TMEM272: variants seen among roughly 807,000 people sequenced by gnomAD.
TMEM272 encodes transmembrane protein 272, also known as long intergenic non-protein coding RNA 282.
TMEM272 carries 8 observed loss-of-function variants against 3.7 expected under a neutral mutation model. The observed-to-expected ratio is 2.17, with a 90% CI of 1.27 to 3.91. TMEM272 has a LOEUF of 3.91. Ranked by LOEUF, TMEM272 falls within the 30% of genes most tolerant of loss-of-function variation. The pLI, the probability that TMEM272 is intolerant of heterozygous loss-of-function variation, is 0.00. For missense variants in TMEM272, 166 were observed against 91.5 expected (o/e 1.81, Z -3.32); for synonymous variants, 63 against 39.8 (o/e 1.58, Z -2.20).
Position 51,814,761 on chromosome 13 carries a change from ACTCTGGTG to A in TMEM272, c.*1982_*1989del, listed in dbSNP as rs1201265170. On this transcript the variant is annotated 3_prime_UTR_variant, in exon 5 of 5. Coordinates refer to ENST00000629372, the MANE Select transcript of TMEM272 (RefSeq NM_001351003.2). The stretch of plus-strand genomic sequence containing the variant: ...TCCCTCTGGGAAAGATTTCTGCAAC[ACTCTGGTG>A]ATACTCATGCCTACCAGAAACTGGG... 6.6e-6 allele frequency: 1 copy of A among 152,144 alleles called. No homozygotes were observed. Among genetic ancestry groups the A allele is most frequent in the African/African-American group, 2.4e-5 (1 of 41,418 alleles). The allele number at this position is 152,144 out of a possible 1,614,324, so 9.4% of individuals were successfully genotyped here.
intron 1 of TMEM272, among the ~76,000 whole-genome samples, chr13:51,839,859 T>G (rs570338957): frequency 1.8e-3 from 270 of 152,270 alleles, no homozygotes; most frequent in African/African-American, 5.9e-3. Flanking sequence ...AGCACGGTGG[T>G]TGGGCTGAGA....
At chr13:51,931,279 A>T in the TMEM272 span, among the ~76,000 whole-genome samples, 1 of 148,498 alleles carries the variant, frequency 6.7e-6, no homozygotes, top group African/African-American at 2.5e-5. Context: ...ATGTAGCCAT[A>T]AAAAAGGATG....
At chr13:51,843,279 T>C (rs1401526134) in intron 1 of TMEM272, among the ~76,000 whole-genome samples, 2 of 152,132 alleles carry the variant, frequency 1.3e-5, no homozygotes, top group Non-Finnish European at 2.9e-5. Flanking sequence ...TTTGAGAAAA[T>C]AGCAGTGAAT....
At chr13:51,912,967 C>T in the TMEM272 span, among the ~76,000 whole-genome samples, 1 of 152,202 alleles carries the variant, frequency 6.6e-6, no homozygotes, top group Admixed American at 6.5e-5. Context: ...CCATTCAGGA[C>T]TAACAGGTGT....
the TMEM272 span, chr13:51,862,021 T>A: frequency 2.6e-5 from 4 of 152,376 alleles, no homozygotes; most frequent in East Asian, 7.7e-4. Context: ...ACCTTTCAAG[T>A]GCCCCCTCCT....
chr13:51,885,517 T>C, the TMEM272 span, among the ~76,000 whole-genome samples: 5 of 152,256 alleles, frequency 3.3e-5, 1 homozygote, highest in Admixed American at 2.6e-4. Context: ...CATGATTCAA[T>C]TACCTACCAC....
chr13:51,842,935 T>C (rs1956274720), intron 1 of TMEM272, among the ~76,000 whole-genome samples: 2 of 152,206 alleles, frequency 1.3e-5, no homozygotes, highest in Admixed American at 1.3e-4. Context: ...GGAATAGTTA[T>C]GTAATTAAAA....
intron 2 of TMEM272, among the ~76,000 whole-genome samples, chr13:51,837,288 G>C (rs948277882): frequency 2.6e-5 from 4 of 152,158 alleles, no homozygotes; most frequent in South Asian, 4.1e-4. Context: ...ATGTGTGTTG[G>C]GGGAGGTGGT....
the TMEM272 span, among the ~76,000 whole-genome samples, chr13:51,851,397 G>GGAAGAAGAAGAA: frequency 1.4e-5 from 2 of 141,546 alleles, no homozygotes; most frequent in African/African-American, 5.0e-5. Flanking sequence ...AGGAGGAGGA[G>GGAAGAAGAAGAA]GAAGAAGAAG....
chr13:51,841,533 GT>G (rs1434294728), intron 1 of TMEM272, among the ~76,000 whole-genome samples: 1 of 152,204 alleles, frequency 6.6e-6, no homozygotes, highest in African/African-American at 2.4e-5. Flanking sequence ...GGGGTAAGAG[GT>G]CACGCTTTAA....
chr13:51,871,952 G>A, the TMEM272 span, among the ~76,000 whole-genome samples: 60 of 151,924 alleles, frequency 3.9e-4, no homozygotes, highest in African/African-American at 8.0e-4. Flanking sequence ...TCTTCCCCAG[G>A]GAATTTGACC....
the TMEM272 span, among the ~76,000 whole-genome samples, chr13:51,873,198 A>C: frequency 3.6e-4 from 55 of 152,390 alleles, no homozygotes; most frequent in Admixed American, 2.0e-3. Context: ...ATTAGTAGTA[A>C]GTATGGAGAA....
chr13:51,878,060 A>C, the TMEM272 span, among the ~76,000 whole-genome samples: 2 of 152,340 alleles, frequency 1.3e-5, no homozygotes, highest in African/African-American at 4.8e-5. Flanking sequence ...ATCATGGCAG[A>C]AGAGGGAGCA....
chr13:51,860,172 G>C, the TMEM272 span, among the ~76,000 whole-genome samples: 1 of 152,090 alleles, frequency 6.6e-6, no homozygotes, highest in Non-Finnish European at 1.5e-5. Context: ...AAAGTGCTAG[G>C]ATTACAGGCA....
rs541914483 is a variant in TMEM272, at chr13:51,832,272, T to C, written c.59-5647A>G. Among the ~76,000 whole-genome samples the C allele has an allele frequency of 8.5e-5, 13 of 152,306 alleles. No individual in the cohort carries two copies. The South Asian group carries it at 2.7e-3, about 32-fold the overall frequency. On this transcript the variant is annotated intron_variant, in intron 2 of 4. Coordinates refer to ENST00000629372, the MANE Select transcript of TMEM272 (RefSeq NM_001351003.2). ...CCATCCGGTTATCAGTCAAAATAGG[T>C]AGCTGGGAGAATTCAATGCATTTTT...
At chr13:51,910,129 C>T in the TMEM272 span, 6 of 1,019,640 alleles carry the variant, frequency 5.9e-6, no homozygotes, top group Non-Finnish European at 9.4e-6. Flanking sequence ...TCTGCCATCA[C>T]CTCATCTTGT....
chr13:51,820,382 C>T (rs1177807584), intron 4 of TMEM272, among the ~76,000 whole-genome samples: 1 of 152,204 alleles, frequency 6.6e-6, no homozygotes, highest in Non-Finnish European at 1.5e-5. Context: ...GACTCTAATC[C>T]TGTTTGCCGC....
the TMEM272 span, among the ~76,000 whole-genome samples, chr13:51,918,803 CTTTTT>C: frequency 1.8e-3 from 148 of 81,032 alleles, no homozygotes; most frequent in Middle Eastern, 0.011. Flanking sequence ...TTTTGAAATT[CTTTTT>C]TTTTTTTTTT....
At chr13:51,920,749 T>C in the TMEM272 span, among the ~76,000 whole-genome samples, 2 of 152,250 alleles carry the variant, frequency 1.3e-5, no homozygotes, top group Non-Finnish European at 2.9e-5. Flanking sequence ...TGACAGGATT[T>C]GCCTATTATT....
Sources: allele counts gnomAD v4.1 joint callset (sites outside exome capture counted in the v4.1 genomes callset), GRCh38; gene constraint gnomAD v4.1.1; transcripts MANE v1.5; gene names NCBI Gene and HGNC (gene_info 2026-07-23, HGNC 2026-07-21).